The following ATG16L1 variants were observed in gnomAD, a reference collection of about 807,000 sequenced individuals.
ATG16L1 encodes the protein autophagy related 16 like 1.
Under a neutral mutation model 88.5 loss-of-function variants are expected in ATG16L1, and 37 were observed. The observed-to-expected ratio is 0.42, with a 90% confidence interval of 0.32 to 0.55. The LOEUF (loss-of-function observed/expected upper bound fraction) is 0.55. Ranked by LOEUF, ATG16L1 falls within the 20% of genes least tolerant of loss-of-function variation. The pLI is 0.13. For synonymous variants in ATG16L1, 301 were observed against 281.0 expected, an observed-to-expected ratio of 1.07 and a Z score of -0.71; for missense variants, 554 against 752.8, an observed-to-expected ratio of 0.74 and a Z score of 3.09.
At chr2:233,263,683 T>A (rs1697369197) in intron 3 of ATG16L1, among the ~76,000 whole-genome samples, 1 of 152,176 alleles carries the variant, frequency 6.6e-6, no homozygotes, top group East Asian at 1.9e-4. Flanking sequence ...CAGTTCACCA[T>A]CAGTACAGCT....
Position 233,295,349 on chromosome 2 carries a change from G to T in ATG16L1, c.*999G>T, listed in dbSNP as rs949700108. The T allele has an allele frequency of 6.5e-6, 1 of 152,742 alleles. No homozygotes were observed. The highest frequency in any genetic ancestry group is 6.5e-5 in the Admixed American group (1 of 15,282). The allele number at this position is 152,742 out of a possible 1,614,324, so 9.5% of individuals were successfully genotyped here. A position where few individuals can be genotyped will look rare whatever the true frequency, so the allele number is the denominator to read the frequency against. On this transcript the variant is annotated 3_prime_UTR_variant, in exon 18 of 18. Transcript: ENST00000392017. Reference sequence around the variant, plus strand: ...CCTACGTATAAAGTTTTAGTTCATTGGGTGTGCGAAACACCCTTTTTATCA... The same window carrying T: ...CCTACGTATAAAGTTTTAGTTCATTTGGTGTGCGAAACACCCTTTTTATCA...
chr2:233,266,953 CTG>C (rs1379973865), intron 5 of ATG16L1, among the ~76,000 whole-genome samples: 2 of 152,274 alleles, frequency 1.3e-5, no homozygotes, highest in African/African-American at 2.4e-5. Flanking sequence ...CAGAGTATAA[CTG>C]TGGTTACTAG....
At chr2:233,280,835 A>C (rs1173494399) in intron 10 of ATG16L1, among the ~76,000 whole-genome samples, 1 of 152,180 alleles carries the variant, frequency 6.6e-6, no homozygotes, top group Non-Finnish European at 1.5e-5. Context: ...TTCTAAAGAG[A>C]ATGAATAACT....
Position 233,251,734 on chromosome 2 carries a change from C to A in ATG16L1, c.-94C>A. The A allele has an allele frequency of 8.7e-7, 1 of 1,152,718 alleles. No individual in the cohort carries two copies. Among genetic ancestry groups the A allele is most frequent in the Non-Finnish European group, 1.3e-6 (1 of 794,686 alleles). The allele number at this position is 1,152,718 out of a possible 1,614,324, so 71.4% of individuals were successfully genotyped here. A position where few individuals can be genotyped will look rare whatever the true frequency, so the allele number is the denominator to read the frequency against. ...TGGAGGTGAGCTCCGGGATTGCCGG[C>A]ATTCCCGCTTCTGCTGGTTGCTTCA... On this transcript the variant is annotated 5_prime_UTR_variant, in exon 1 of 18. Coordinates refer to ENST00000392017, the MANE Select transcript of ATG16L1 (RefSeq NM_030803.7).
At chr2:233,256,005 C>A in intron 1 of ATG16L1, 97 bp from the exon 2 acceptor site, 2 of 907,148 alleles carry the variant, frequency 2.2e-6, no homozygotes, top group Non-Finnish European at 3.5e-6. Context: ...ATGTATGTTC[C>A]TGTATTGCAT....
At chr2:233,278,879 G>T (rs1419847101) in intron 10 of ATG16L1, among the ~76,000 whole-genome samples, 1 of 152,134 alleles carries the variant, frequency 6.6e-6, no homozygotes, top group Non-Finnish European at 1.5e-5. Context: ...AATGATAATG[G>T]CTGAAGCAAT....
chr2:233,256,841 A>C (rs938726963), intron 2 of ATG16L1, among the ~76,000 whole-genome samples: 1 of 151,834 alleles, frequency 6.6e-6, no homozygotes, highest in African/African-American at 2.4e-5. Context: ...AGCTGGGTCT[A>C]CAGGAACCCA....
chr2:233,282,917 A>T, intron 12 of ATG16L1, 164 bp downstream of exon 12: 1 of 610,058 alleles, frequency 1.6e-6, no homozygotes, highest in Admixed American at 3.0e-5. Flanking sequence ...TTTCCACTTT[A>T]TACTCTTTGT....
chr2:233,285,531 G>A (rs577670395), intron 12 of ATG16L1, among the ~76,000 whole-genome samples: 28 of 152,342 alleles, frequency 1.8e-4, no homozygotes, highest in South Asian at 8.3e-4. Context: ...TGATGATGCC[G>A]TGCTGGGGCA....
intron 6 of ATG16L1, among the ~76,000 whole-genome samples, chr2:233,271,610 A>C (rs1455364833): frequency 6.6e-6 from 1 of 152,254 alleles, no homozygotes; most frequent in African/African-American, 2.4e-5. Flanking sequence ...TGCTTCCCTA[A>C]GGAGTTTCTG....
At chr2:233,280,840 A>G (rs746347472) in intron 10 of ATG16L1, among the ~76,000 whole-genome samples, 7 of 152,232 alleles carry the variant, frequency 4.6e-5, no homozygotes, top group African/African-American at 1.4e-4. Flanking sequence ...AAGAGAATGA[A>G]TAACTACATT....
chr2:233,286,621 C>CATTTTTTTTTT lies in ATG16L1; in HGVS notation c.1204-3233_1204-3232insATTTTTTTTTT, dbSNP rs34087184. Among the ~76,000 whole-genome samples, 51 of 93,280 alleles carry CATTTTTTTTTT rather than the reference C, an allele frequency of 5.5e-4. 2 individuals carry two copies. The highest frequency in any genetic ancestry group is 8.8e-4 in the South Asian group (2 of 2,276). 61.2% of individuals were successfully genotyped at this position (93,280 alleles called of 152,430 possible). A position where few individuals can be genotyped will look rare whatever the true frequency, so the allele number is the denominator to read the frequency against. ...AGAATAAGGTGAGCAGAAGCCCAAA[C>CATTTTTTTTTT]TTTTTTTTTTTTTTTTTTTTTTGAG... On this transcript the variant is annotated intron_variant, in intron 12 of 17. Coordinates refer to ENST00000392017, the MANE Select transcript of ATG16L1 (RefSeq NM_030803.7).
intron 10 of ATG16L1, among the ~76,000 whole-genome samples, chr2:233,278,356 AAAGT>A (rs2125262411): frequency 6.6e-6 from 1 of 152,328 alleles, no homozygotes; most frequent in African/African-American, 2.4e-5. Flanking sequence ...TATTTTTACT[AAAGT>A]AAGGCCGAAG....
At chr2:233,255,959 C>T (rs780994249) in intron 1 of ATG16L1, 143 bp from the exon 2 acceptor site, 5 of 640,432 alleles carry the variant, frequency 7.8e-6, no homozygotes, top group African/African-American at 1.9e-5. Context: ...GGAAGACATT[C>T]TTGCAGGTGA....
intron 12 of ATG16L1, among the ~76,000 whole-genome samples, chr2:233,283,665 C>T: frequency 6.6e-6 from 1 of 151,796 alleles, no homozygotes; most frequent in East Asian, 1.9e-4. Flanking sequence ...ATTCTCCTGC[C>T]TCAGCCTCCT....
At chr2:233,288,950 A>C in intron 12 of ATG16L1, 1 of 514,114 alleles carries the variant, frequency 1.9e-6, no homozygotes, top group South Asian at 1.4e-5. Flanking sequence ...CTCTGATTGA[A>C]AATCCCCCAG....
chr2:233,253,425 A>G (rs1218560316), intron 1 of ATG16L1, among the ~76,000 whole-genome samples: 3 of 138,454 alleles, frequency 2.2e-5, no homozygotes, highest in Non-Finnish European at 3.0e-5. Context: ...AGCTCACTGC[A>G]ACCTCCACCT....
At chr2:233,284,325 G>GT (rs1379897676) in intron 12 of ATG16L1, among the ~76,000 whole-genome samples, 2 of 150,906 alleles carry the variant, frequency 1.3e-5, no homozygotes, top group East Asian at 4.0e-4. Flanking sequence ...TTTTTGTTTC[G>GT]TTTTTTAAAT....
intron 14 of ATG16L1, 78 bp from the exon 15 acceptor site, chr2:233,292,050 G>A: frequency 6.5e-7 from 1 of 1,537,370 alleles, no homozygotes; most frequent in Non-Finnish European, 8.8e-7. Context: ...GAATTGCAGT[G>A]CCTTTTTTTT....
Sources: allele counts gnomAD v4.1 joint callset (sites outside exome capture counted in the v4.1 genomes callset), GRCh38; gene constraint gnomAD v4.1.1; transcripts MANE v1.5; gene names NCBI Gene and HGNC (gene_info 2026-07-23, HGNC 2026-07-21).